Variants in MIPOL1 observed in about 807,000 individuals in gnomAD.
MIPOL1 encodes mirror-image polydactyly gene 1 protein.
In MIPOL1, 57 loss-of-function variants were observed where a neutral mutation model predicts 60.9. The ratio of observed to expected loss-of-function variants is 0.94; its 90% CI spans 0.76 to 1.17. MIPOL1 has a LOEUF of 1.17. Ranked by LOEUF, MIPOL1 falls within the 50% of genes most tolerant of loss-of-function variation. The pLI is 0.00. For synonymous variants in MIPOL1, 179 were observed against 168.8 expected, an observed-to-expected ratio of 1.06 and a Z score of -0.47; for missense variants, 551 against 511.6, an observed-to-expected ratio of 1.08 and a Z score of -0.74.
intron 11 of MIPOL1, among the ~76,000 whole-genome samples, chr14:37,450,978 T>C (rs1316460799): frequency 1.3e-5 from 2 of 152,186 alleles, no homozygotes; most frequent in African/African-American, 4.8e-5. Flanking sequence ...CGTAAAATAT[T>C]CTGTATTCAC....
At chr14:37,529,485 T>C (rs1311929240) in intron 12 of MIPOL1, among the ~76,000 whole-genome samples, 1 of 152,186 alleles carries the variant, frequency 6.6e-6, no homozygotes, top group Non-Finnish European at 1.5e-5. Context: ...GCAAATAGAA[T>C]TAAGTTTAAA....
At chr14:37,503,735 G>A (rs1004004867) in intron 12 of MIPOL1, 1 of 152,080 alleles carries the variant, frequency 6.6e-6, no homozygotes, top group South Asian at 2.1e-4. Flanking sequence ...CATAACGACA[G>A]GTTCAAATTC....
intron 11 of MIPOL1, among the ~76,000 whole-genome samples, chr14:37,435,340 G>A (rs996675055): frequency 1.1e-4 from 17 of 152,194 alleles, no homozygotes; most frequent in African/African-American, 4.1e-4. Context: ...TGTCACATGA[G>A]TCTGTTCCTT....
chr14:37,397,472 G>T (rs986497317), intron 10 of MIPOL1, among the ~76,000 whole-genome samples: 24 of 152,284 alleles, frequency 1.6e-4, no homozygotes, highest in African/African-American at 5.8e-4. Context: ...TTGGCCTCCT[G>T]CCAGGAGGTG....
chr14:37,219,096 G>A (rs571186657), intron 1 of MIPOL1, among the ~76,000 whole-genome samples: 1 of 152,152 alleles, frequency 6.6e-6, no homozygotes, highest in Non-Finnish European at 1.5e-5. Flanking sequence ...CAGCTAAGGA[G>A]CAGGGAGGGG....
chr14:37,217,055 T>C (rs1967847507), intron 1 of MIPOL1, among the ~76,000 whole-genome samples: 1 of 151,496 alleles, frequency 6.6e-6, no homozygotes, highest in South Asian at 2.1e-4. Flanking sequence ...AGGATCCAAA[T>C]CAGAAATGAA....
intron 7 of MIPOL1, among the ~76,000 whole-genome samples, chr14:37,296,630 C>T (rs1594973329): frequency 6.6e-6 from 1 of 152,160 alleles, no homozygotes; most frequent in African/African-American, 2.4e-5. Flanking sequence ...GATATCACCA[C>T]TGATCCCACA....
At chr14:37,314,010 C>T (rs1275602567) in intron 9 of MIPOL1, among the ~76,000 whole-genome samples, 2 of 152,210 alleles carry the variant, frequency 1.3e-5, no homozygotes, top group East Asian at 3.9e-4. Flanking sequence ...TTTCTGTTTT[C>T]TGAACACTAT....
intron 3 of MIPOL1, among the ~76,000 whole-genome samples, chr14:37,266,382 G>A (rs1050575522): frequency 4.6e-5 from 7 of 152,142 alleles, no homozygotes; most frequent in African/African-American, 1.7e-4. Context: ...CTAGTTTTCT[G>A]TAATAGGCTG....
At chr14:37,355,516 C>G (rs12896467) in intron 9 of MIPOL1, among the ~76,000 whole-genome samples, 1 of 151,274 alleles carries the variant, frequency 6.6e-6, no homozygotes, top group Non-Finnish European at 1.5e-5. Context: ...CAACTTGGTT[C>G]CATTCTCCCT....
chr14:37,508,702 C>T (rs571635954), intron 12 of MIPOL1, among the ~76,000 whole-genome samples: 23 of 152,204 alleles, frequency 1.5e-4, no homozygotes, highest in South Asian at 4.1e-4. Flanking sequence ...ATATGTGTTA[C>T]GTAATTCCTC....
At position 37,406,876 on chromosome 14, in the gene MIPOL1, A is replaced by G. The variant is rs78032485; in HGVS notation, c.937-15979A>G. 5.1e-4 allele frequency among the ~76,000 whole-genome samples: 78 copies of G among 152,270 alleles called. No individual in the cohort carries two copies. The East Asian group carries it at 0.013, about 24-fold the overall frequency. ...CAGTGAAATAGTCAGTGGTTTTTAC[A>G]TATAGGTAAGAGTGGCTTTCAGAGT... is the stretch of plus-strand genomic sequence containing the variant. On this transcript the variant is annotated intron_variant, in intron 10 of 12. Coordinates refer to ENST00000684589, the MANE Select transcript of MIPOL1 (RefSeq NM_001388067.1).
At chr14:37,315,381 G>A (rs2087765076) in intron 9 of MIPOL1, among the ~76,000 whole-genome samples, 1 of 152,196 alleles carries the variant, frequency 6.6e-6, no homozygotes, top group South Asian at 2.1e-4. Flanking sequence ...AGACAAGTCT[G>A]TATGATCTTG....
chr14:37,266,931 A>G lies in MIPOL1; in HGVS notation c.20-7A>G, dbSNP rs746284626. The stretch of plus-strand genomic sequence containing the variant: ...ATATCATGTGTTATTTGTTTGTTTA[A>G]ATACAGACATAACCCACAGTTATCT... On this transcript the variant is annotated splice_polypyrimidine_tract_variant and splice_region_variant and intron_variant, in intron 3 of 12. Transcript: ENST00000684589. 3.1e-6 allele frequency: 5 copies of G among 1,590,366 alleles called. No individual in the cohort carries two copies. In the South Asian group the frequency reaches 4.5e-5, roughly 14 times the overall value.
intron 3 of MIPOL1, 83 bp downstream of exon 3, chr14:37,247,990 A>G: frequency 2.1e-6 from 3 of 1,422,804 alleles, no homozygotes; most frequent in Non-Finnish European, 3.0e-6. Context: ...TGTTCTAACC[A>G]ATATATTAGA....
chr14:37,293,997 G>A (rs550971123), intron 7 of MIPOL1, among the ~76,000 whole-genome samples: 3 of 152,276 alleles, frequency 2.0e-5, no homozygotes, highest in South Asian at 2.1e-4. Flanking sequence ...ATCTGAGAAC[G>A]GGCAGACTGC....
intron 9 of MIPOL1, among the ~76,000 whole-genome samples, chr14:37,347,074 T>C (rs998977028): frequency 6.6e-6 from 1 of 151,810 alleles, no homozygotes; most frequent in African/African-American, 2.4e-5. Flanking sequence ...AATCTGGCAA[T>C]TCATCTACAC....
At chr14:37,225,983 A>G (rs1969657408) in intron 1 of MIPOL1, among the ~76,000 whole-genome samples, 2 of 152,306 alleles carry the variant, frequency 1.3e-5, no homozygotes, top group Non-Finnish European at 2.9e-5. Context: ...AAATGCCTCT[A>G]GCCTCTTGCT....
At chr14:37,377,546 A>G (rs1288552000) in intron 10 of MIPOL1, among the ~76,000 whole-genome samples, 1 of 152,050 alleles carries the variant, frequency 6.6e-6, no homozygotes, top group Non-Finnish European at 1.5e-5. Flanking sequence ...ATTTTAAATC[A>G]TTCTTTATGG....
Sources: allele counts gnomAD v4.1 joint callset (sites outside exome capture counted in the v4.1 genomes callset), GRCh38; gene constraint gnomAD v4.1.1; transcripts MANE v1.5; gene names NCBI Gene and HGNC (gene_info 2026-07-23, HGNC 2026-07-21).